Variants in DLG2 observed in about 807,000 individuals in gnomAD.
DLG2 encodes discs large MAGUK scaffold protein 2, also known as disks large homolog 2.
Under a neutral mutation model 132.5 loss-of-function variants are expected in DLG2, and 45 were observed. That is an observed-to-expected ratio of 0.34 (90% CI 0.27 to 0.44). The LOEUF is 0.44. DLG2 is among the 20% of genes least tolerant of loss of function. The pLI is 1.00. For synonymous variants in DLG2, 424 were observed against 419.6 expected, an observed-to-expected ratio of 1.01 and a Z score of -0.13; for missense variants, 1,045 against 1,196.9, an observed-to-expected ratio of 0.87 and a Z score of 1.87.
chr11:85,131,061 T>A (rs1037268427), intron 5 of DLG2, among the ~76,000 whole-genome samples: 7 of 151,930 alleles, frequency 4.6e-5, no homozygotes, highest in African/African-American at 1.7e-4. Flanking sequence ...ATTTATATGA[T>A]AAATCACAAT....
rs112801384 is a variant in DLG2, at chr11:85,557,145, A to G, written c.40+41512T>C. Among the ~76,000 whole-genome samples the G allele has an allele frequency of 1.6e-3, 242 of 151,856 alleles. 4 individuals are homozygous for G. The highest frequency in any genetic ancestry group is 5.5e-3 in the African/African-American group (227 of 41,540). On this transcript the variant is annotated intron_variant, in intron 3 of 27. Coordinates refer to ENST00000376104, the MANE Select transcript of DLG2 (RefSeq NM_001142699.3). The stretch of plus-strand genomic sequence containing the variant: ...AAATCAGTAGCATTTCCATGATGAG[A>G]ACAGTAATAATAATAACCAAACTGA...
intron 6 of DLG2, among the ~76,000 whole-genome samples, chr11:84,714,504 G>T (rs1158271930): frequency 6.6e-6 from 1 of 151,676 alleles, no homozygotes; most frequent in Non-Finnish European, 1.5e-5. Flanking sequence ...CCCTCTGGAG[G>T]CTGGGAGCCC....
chr11:85,458,107 T>C (rs1233861813), intron 3 of DLG2, among the ~76,000 whole-genome samples: 1 of 152,232 alleles, frequency 6.6e-6, no homozygotes, highest in East Asian at 1.9e-4. Flanking sequence ...CATAATCCCA[T>C]ATTTCTTGGA....
chr11:83,951,877 T>C (rs950380897), intron 14 of DLG2, among the ~76,000 whole-genome samples: 14 of 151,920 alleles, frequency 9.2e-5, no homozygotes, highest in African/African-American at 3.4e-4. Flanking sequence ...ATGATATGAA[T>C]TGACTAGTGT....
chr11:84,784,200 G>A (rs1224237408), intron 6 of DLG2, among the ~76,000 whole-genome samples: 2 of 132,894 alleles, frequency 1.5e-5, no homozygotes, highest in Non-Finnish European at 3.1e-5. Context: ...GCAGGCACCT[G>A]TAATCCCAGC....
chr11:83,560,975 G>T (rs2096600090), intron 19 of DLG2, among the ~76,000 whole-genome samples: 2 of 148,018 alleles, frequency 1.4e-5, no homozygotes, highest in African/African-American at 5.0e-5. Flanking sequence ...GCTGGCATCT[G>T]CTCAGCTTCT....
chr11:83,861,384 A>C (rs1405589993), intron 16 of DLG2, among the ~76,000 whole-genome samples: 1 of 152,180 alleles, frequency 6.6e-6, no homozygotes, highest in Non-Finnish European at 1.5e-5. Flanking sequence ...CTAGGTATAT[A>C]CCCAAAAGAA....
At chr11:85,233,049 T>C (rs1221987856) in intron 4 of DLG2, among the ~76,000 whole-genome samples, 1 of 151,954 alleles carries the variant, frequency 6.6e-6, no homozygotes, top group Non-Finnish European at 1.5e-5. Context: ...TTACTTTTTG[T>C]ACCTGTGATT....
intron 6 of DLG2, among the ~76,000 whole-genome samples, chr11:84,550,053 G>A (rs1437647374): frequency 6.6e-6 from 1 of 151,622 alleles, no homozygotes; most frequent in East Asian, 1.9e-4. Context: ...ACCACACCCA[G>A]CATTCCTATT....
intron 17 of DLG2, among the ~76,000 whole-genome samples, chr11:83,810,400 A>T (rs2046961103): frequency 6.6e-6 from 1 of 152,098 alleles, no homozygotes; most frequent in Non-Finnish European, 1.5e-5. Flanking sequence ...AAAAATATAA[A>T]TAATTTTGGT....
At chr11:84,613,406 G>C (rs1362335281) in intron 6 of DLG2, among the ~76,000 whole-genome samples, 1 of 151,996 alleles carries the variant, frequency 6.6e-6, no homozygotes, top group Admixed American at 6.6e-5. Context: ...CCCTTCAGAG[G>C]AGAGAATTGC....
intron 6 of DLG2, among the ~76,000 whole-genome samples, chr11:84,738,215 C>CT (rs962761648): frequency 1.3e-5 from 2 of 151,650 alleles, no homozygotes; most frequent in South Asian, 2.1e-4. Flanking sequence ...TAACAATTTT[C>CT]TTTTTTTTCT....
intron 3 of DLG2, among the ~76,000 whole-genome samples, chr11:85,295,922 A>T (rs1430026355): frequency 1.3e-5 from 2 of 152,142 alleles, no homozygotes; most frequent in African/African-American, 2.4e-5. Flanking sequence ...CAAGGGAGAC[A>T]AGAATGCTTA....
At chr11:85,429,497 T>G (rs947159510) in intron 3 of DLG2, among the ~76,000 whole-genome samples, 5 of 151,998 alleles carry the variant, frequency 3.3e-5, no homozygotes, top group African/African-American at 4.8e-5. Context: ...TACAATGAAC[T>G]CAAACAAATC....
intron 3 of DLG2, among the ~76,000 whole-genome samples, chr11:85,565,097 C>A (rs1289536249): frequency 6.6e-6 from 1 of 152,024 alleles, no homozygotes; most frequent in Non-Finnish European, 1.5e-5. Flanking sequence ...TCTAAACTCA[C>A]AAGTTTCATG....
chr11:83,503,955 A>G (rs942638245), intron 21 of DLG2, among the ~76,000 whole-genome samples: 1 of 152,192 alleles, frequency 6.6e-6, no homozygotes, highest in Non-Finnish European at 1.5e-5. Context: ...ACATAATACA[A>G]CTATCCTTCG....
At chr11:85,316,696 C>T (rs912359682) in intron 3 of DLG2, among the ~76,000 whole-genome samples, 5 of 151,888 alleles carry the variant, frequency 3.3e-5, no homozygotes, top group South Asian at 2.1e-4. Flanking sequence ...TATCTGTATA[C>T]AGGGCTTCCC....
intron 7 of DLG2, among the ~76,000 whole-genome samples, chr11:84,338,720 C>T (rs756609633): frequency 5.3e-5 from 8 of 152,158 alleles, no homozygotes; most frequent in Admixed American, 2.6e-4. Flanking sequence ...GCAGGAGAAT[C>T]GCTTGAGTCC....
chr11:84,105,460 A>G (rs2092837182), intron 9 of DLG2, among the ~76,000 whole-genome samples: 2 of 152,172 alleles, frequency 1.3e-5, no homozygotes, highest in Admixed American at 6.6e-5. Context: ...CTTTGGTTTG[A>G]TGCATAGCAC....
Sources: gnomAD v4.1 joint callset for allele counts (sites outside exome capture counted in the v4.1 genomes callset) on GRCh38, gnomAD v4.1.1 for gene constraint, MANE v1.5 for transcripts, NCBI Gene and HGNC (gene_info 2026-07-23, HGNC 2026-07-21) for gene names.